Variants in GRIK2 observed in about 807,000 individuals in gnomAD.
GRIK2 encodes the protein glutamate ionotropic receptor kainate type subunit 2.
Under a neutral mutation model 100.3 loss-of-function variants are expected in GRIK2, and 32 were observed. The observed-to-expected ratio is 0.32, with a 90% confidence interval of 0.24 to 0.43. The LOEUF is 0.43. Among genes scored for constraint, GRIK2 ranks in the 20% least tolerant of loss-of-function variants. The pLI, the probability that GRIK2 is intolerant of heterozygous loss-of-function variation, is 1.00. For missense variants in GRIK2, 843 were observed against 1,114.9 expected (o/e 0.76, Z 3.47); for synonymous variants, 417 against 389.4 (o/e 1.07, Z -0.83).
At chr6:101,823,710 G>A (rs878949441) in intron 10 of GRIK2, among the ~76,000 whole-genome samples, 6 of 151,982 alleles carry the variant, frequency 3.9e-5, no homozygotes, top group Admixed American at 6.6e-5. Flanking sequence ...AAAGTATAAC[G>A]TGCTAAACCT....
intron 14 of GRIK2, among the ~76,000 whole-genome samples, chr6:101,986,641 T>C (rs1794030758): frequency 6.6e-6 from 1 of 151,898 alleles, no homozygotes; most frequent in Non-Finnish European, 1.5e-5. Flanking sequence ...GCATTGGTAC[T>C]TCACTTCCTT....
chr6:101,528,716 G>T (rs933282148), intron 2 of GRIK2, among the ~76,000 whole-genome samples: 1 of 152,002 alleles, frequency 6.6e-6, no homozygotes, highest in African/African-American at 2.4e-5. Context: ...AAAACAATAA[G>T]GTTTAGTTAA....
chr6:102,020,300 C>T (rs1394839981), intron 14 of GRIK2, among the ~76,000 whole-genome samples: 1 of 151,784 alleles, frequency 6.6e-6, no homozygotes, highest in Non-Finnish European at 1.5e-5. Flanking sequence ...TTCTTCAGGA[C>T]CTTTGCTATA....
chr6:102,056,057 T>G (rs115830699), intron 16 of GRIK2, among the ~76,000 whole-genome samples: 1,948 of 151,938 alleles, frequency 0.013, 46 homozygotes, highest in African/African-American at 0.045. Flanking sequence ...AATTTCTAGT[T>G]TAAGAAAGAT....
At chr6:101,431,173 C>T (rs1769365057) in intron 2 of GRIK2, 1 of 223,790 alleles carries the variant, frequency 4.5e-6, no homozygotes, top group African/African-American at 2.3e-5. Context: ...TCAGGAACCA[C>T]ATGCAGCTCA....
intron 2 of GRIK2, among the ~76,000 whole-genome samples, chr6:101,504,108 C>A (rs938035243): frequency 6.6e-6 from 1 of 152,056 alleles, no homozygotes; most frequent in African/African-American, 2.4e-5. Flanking sequence ...GAAAATGGGT[C>A]ATATTCTAAA....
chr6:102,011,984 T>C (rs1795568808), intron 14 of GRIK2, among the ~76,000 whole-genome samples: 1 of 152,198 alleles, frequency 6.6e-6, no homozygotes, highest in South Asian at 2.1e-4. Context: ...CTATCTTCTA[T>C]AATTTGTATA....
In GRIK2 at chr6:101,915,248, A is replaced by G. The variant is rs577532010; in HGVS notation, c.1749-9353A>G. Among the ~76,000 whole-genome samples the G allele has an allele frequency of 2.2e-4, 33 of 151,580 alleles. 1 individual carries two copies. The East Asian group carries it at 2.9e-3, about 13-fold the overall frequency. On this transcript the variant is annotated intron_variant, in intron 12 of 16. Coordinates refer to ENST00000369134, the MANE Select transcript of GRIK2 (RefSeq NM_021956.5). Reference sequence around the variant, plus strand: ...ATTTATAACTAACAACAGAAGATGTATAATAGCAACTGATAACAGAATAAC... The same window carrying G: ...ATTTATAACTAACAACAGAAGATGTGTAATAGCAACTGATAACAGAATAAC...
intron 2 of GRIK2, among the ~76,000 whole-genome samples, chr6:101,461,866 C>G (rs933275102): frequency 2.0e-5 from 3 of 152,116 alleles, no homozygotes; most frequent in Non-Finnish European, 4.4e-5. Context: ...TCCTAAAGCC[C>G]AATTCTTGCC....
intron 7 of GRIK2, 98 bp downstream of exon 7, chr6:101,686,451 T>C: frequency 1.2e-6 from 1 of 856,392 alleles, no homozygotes; most frequent in East Asian, 2.5e-5. Context: ...AACTTCAGTT[T>C]AATTGTTTGA....
rs1450111932 is a variant in GRIK2 at position 101,546,837 on chromosome 6, TTTTTTTTTTTG to T, written c.116-75111_116-75101del. On this transcript the variant is annotated intron_variant, in intron 2 of 16. Coordinates refer to ENST00000369134, the MANE Select transcript of GRIK2 (RefSeq NM_021956.5). ...TTTGTTTCTTTTTTTTTTTTTTTTTTTTTTTTTTTTGGAGACGGAGTCTCGCTCTGTCGCCC... is the reference window on the plus strand; with the variant it reads ...TTTGTTTCTTTTTTTTTTTTTTTTTTGAGACGGAGTCTCGCTCTGTCGCCC... Among the ~76,000 whole-genome samples the T allele has an allele frequency of 7.5e-4, 76 of 101,388 alleles. 2 individuals carry two copies. The highest frequency in any genetic ancestry group is 8.4e-3 in the Middle Eastern group (2 of 238). The allele number at this position is 101,388 out of a possible 152,430, so 66.5% of individuals were successfully genotyped here.
intron 2 of GRIK2, among the ~76,000 whole-genome samples, chr6:101,591,166 A>G (rs959596481): frequency 6.6e-6 from 1 of 151,886 alleles, no homozygotes; most frequent in Non-Finnish European, 1.5e-5. Flanking sequence ...CATTGATTTC[A>G]GAAGCAATGG....
chr6:102,003,132 C>A (rs1332106650), intron 14 of GRIK2, among the ~76,000 whole-genome samples: 1 of 151,484 alleles, frequency 6.6e-6, no homozygotes, highest in Non-Finnish European at 1.5e-5. Context: ...ATAAGTTTAA[C>A]TTAGTTGTAT....
chr6:101,543,380 A>G (rs1776095349), intron 2 of GRIK2, among the ~76,000 whole-genome samples: 1 of 152,220 alleles, frequency 6.6e-6, no homozygotes, highest in Admixed American at 6.5e-5. Context: ...AAACCTTTCT[A>G]CAAATAAGCA....
chr6:101,450,312 T>A (rs774028023), intron 2 of GRIK2, among the ~76,000 whole-genome samples: 23 of 151,728 alleles, frequency 1.5e-4, no homozygotes, highest in Non-Finnish European at 3.1e-4. Context: ...TAGGTTTTTT[T>A]AAATGAATCC....
In GRIK2 at chr6:101,428,104, C is replaced by G. The variant is rs184200179; in HGVS notation, c.115+28712C>G. On this transcript the variant is annotated intron_variant, in intron 2 of 16. Coordinates refer to ENST00000369134, the MANE Select transcript of GRIK2 (RefSeq NM_021956.5). ...GAATTACAAATCCACATTTTATCAC[C>G]TATGAACAAAAATGTCAGCGATTTT... Among the ~76,000 whole-genome samples, 28 of 152,234 alleles carry G rather than the reference C, an allele frequency of 1.8e-4. No individual in the cohort carries two copies. The East Asian group carries it at 5.4e-3, about 29-fold the overall frequency.
rs928243731 is a variant in GRIK2 at position 101,488,739 on chromosome 6, CT to C, written c.115+89354del. On this transcript the variant is annotated intron_variant, in intron 2 of 16. Coordinates refer to ENST00000369134, the MANE Select transcript of GRIK2 (RefSeq NM_021956.5). ...AGGTTCTCATATTCACAAATAAACA[CT>C]TTTTTTAATGCTTCTATTTAATTTT... Among the ~76,000 whole-genome samples the C allele has an allele frequency of 6.8e-5, 10 of 146,304 alleles. 1 individual carries two copies. Among genetic ancestry groups the C allele is most frequent in the African/African-American group, 2.3e-4 (9 of 38,460 alleles).
chr6:101,677,768 G>A (rs1258834930), intron 5 of GRIK2, among the ~76,000 whole-genome samples: 1 of 152,070 alleles, frequency 6.6e-6, no homozygotes, highest in Non-Finnish European at 1.5e-5. Context: ...GGAGAGTTAC[G>A]CAGATTCAGA....
At chr6:101,699,601 C>T (rs924407282) in intron 7 of GRIK2, among the ~76,000 whole-genome samples, 1 of 152,086 alleles carries the variant, frequency 6.6e-6, no homozygotes, top group Non-Finnish European at 1.5e-5. Flanking sequence ...TTGTTTTTCT[C>T]CTAGGAGTTT....
Sources: gnomAD v4.1 joint callset for allele counts (sites outside exome capture counted in the v4.1 genomes callset) on GRCh38, gnomAD v4.1.1 for gene constraint, MANE v1.5 for transcripts, NCBI Gene and HGNC (gene_info 2026-07-23, HGNC 2026-07-21) for gene names.